The following NOD2 variants were observed in gnomAD, a reference collection of about 807,000 sequenced individuals.
NOD2 encodes the protein nucleotide-binding oligomerization domain-containing protein 2.
NOD2 carries 86 observed loss-of-function variants against 90.9 expected under a neutral mutation model. The ratio of observed to expected loss-of-function variants is 0.95; its 90% CI spans 0.79 to 1.13. The LOEUF is 1.13. Among genes scored for constraint, NOD2 ranks in the 50% most tolerant of loss-of-function variants. The pLI, the probability that NOD2 is intolerant of heterozygous loss-of-function variation, is 0.00. For synonymous variants in NOD2, 581 were observed against 554.6 expected (o/e 1.05, Z -0.67); for missense variants, 1,238 against 1,283.8 (o/e 0.96, Z 0.55).
At chr16:50,716,065 T>C (rs1408069985) in intron 4 of NOD2, among the ~76,000 whole-genome samples, 2 of 152,074 alleles carry the variant, frequency 1.3e-5, no homozygotes, top group Non-Finnish European at 2.9e-5. Context: ...AGTGGTGCCA[T>C]TGGGGTTAAG....
chr16:50,707,297 A>G (rs1964239461), intron 2 of NOD2, among the ~76,000 whole-genome samples: 1 of 152,178 alleles, frequency 6.6e-6, no homozygotes, highest in Non-Finnish European at 1.5e-5. Context: ...CCTGGAAGAA[A>G]GGGGTTAATA....
intron 6 of NOD2, among the ~76,000 whole-genome samples, chr16:50,718,977 G>C (rs1284468445): frequency 6.6e-6 from 1 of 152,186 alleles, no homozygotes; most frequent in East Asian, 1.9e-4. Context: ...AGAGAGGGAA[G>C]GAAGGAAGGT....
intron 1 of NOD2, chr16:50,697,308 A>C (rs1259603692): frequency 1.3e-6 from 2 of 1,557,296 alleles, no homozygotes; most frequent in Non-Finnish European, 1.7e-6. Flanking sequence ...CTCCTCGGAC[A>C]TTCTCCGGGT....
At chr16:50,706,698 C>CTT (rs529592403) in intron 2 of NOD2, among the ~76,000 whole-genome samples, 2,145 of 140,564 alleles carry the variant, frequency 0.015, 69 homozygotes, top group African/African-American at 0.053. Flanking sequence ...CTATTTCTTT[C>CTT]TTTTTTTTTT....
At chr16:50,709,795 A>G (rs1017795916) in intron 3 of NOD2, 2 of 370,926 alleles carry the variant, frequency 5.4e-6, no homozygotes, top group African/African-American at 4.2e-5. Flanking sequence ...TTGAGGGTCT[A>G]TTGTTGTGCC....
At chr16:50,731,324 C>G (rs555247494) in intron 11 of NOD2, among the ~76,000 whole-genome samples, 23 of 152,138 alleles carry the variant, frequency 1.5e-4, no homozygotes, top group Non-Finnish European at 2.8e-4. Flanking sequence ...TTGCACAGTC[C>G]TAAGAAACAT....
Position 50,711,028 on chromosome 16 carries a change from C to T in NOD2, c.1036C>T (p.Arg346Cys), listed in dbSNP as rs145293873. 287 of 1,614,088 alleles carry T rather than the reference C, an allele frequency of 1.8e-4. 1 individual carries two copies. Among genetic ancestry groups the T allele is most frequent in the Middle Eastern group, 9.9e-4 (6 of 6,084 alleles). The part of the protein sequence containing the change: ...IFQLLLDHPD[R>C]VLLTFDGFDE... ...CCAGTTACTCCTTGACCACCCTGACCGTGTCCTGTTAACCTTTGATGGCTT... is the reference window on the plus strand; with the variant it reads ...CCAGTTACTCCTTGACCACCCTGACTGTGTCCTGTTAACCTTTGATGGCTT... The change falls in exon 4 of 12, where the codon CGT becomes TGT. Residue 346 changes from arginine (R) to cysteine (C), a missense_variant. Arg to Cys is a radical substitution (Grantham distance 180). Coordinates refer to ENST00000647318, the MANE Select transcript of NOD2 (RefSeq NM_001370466.1).
Position 50,710,669 on chromosome 16 carries a change from C to CA in NOD2, c.678dup (p.Glu227ArgfsTer37). 1.2e-6 allele frequency: 2 copies of CA among 1,614,186 alleles called. No individual in the cohort carries two copies. The highest frequency in any genetic ancestry group is 1.7e-6 in the Non-Finnish European group (2 of 1,180,020). ...ACGCTCTGCCTGGAGGACATATACA[C>CA]AGAGAATGTCCTGGAGGTCTGGGCA... is the stretch of plus-strand genomic sequence containing the variant. On this transcript the variant is annotated frameshift_variant, in exon 4 of 12. Transcript: ENST00000647318. LOFTEE classifies it high-confidence loss of function.
intron 10 of NOD2, among the ~76,000 whole-genome samples, chr16:50,729,586 G>A (rs1965382512): frequency 6.6e-6 from 1 of 152,194 alleles, no homozygotes; most frequent in African/African-American, 2.4e-5. Flanking sequence ...TAAGGGAGTG[G>A]CTACTTAATT....
At position 50,701,537 on chromosome 16, in the gene NOD2, C is replaced by T. The variant is rs566299259; in HGVS notation, c.459+1583C>T. 2.6e-5 allele frequency among the ~76,000 whole-genome samples: 4 copies of T among 152,338 alleles called. No homozygotes were observed. In the South Asian group the frequency reaches 8.3e-4, roughly 32 times the overall value. On this transcript the variant is annotated intron_variant, in intron 2 of 11. Coordinates refer to ENST00000647318, the MANE Select transcript of NOD2 (RefSeq NM_001370466.1). ...TCTGATTAGTTGCACGTACAGAAGA[C>T]ATATTCGTTATTGGACTGACCTTAG...
Position 50,710,657 on chromosome 16 carries a change from A to G in NOD2, c.665A>G (p.Glu222Gly), listed in dbSNP as rs117836686. The G allele has an allele frequency of 4.8e-4, 780 of 1,614,194 alleles. 1 individual carries two copies. Among genetic ancestry groups the G allele is most frequent in the Non-Finnish European group, 6.5e-4 (764 of 1,180,026 alleles). The change falls in exon 4 of 12, where the codon GAG (glutamate) becomes GGG (glycine). Residue 222 changes from glutamate (E) to glycine (G), a missense_variant. Around this residue, in one of 3 missense-constraint regions of NOD2, gnomAD observed 567 missense variants for 577.3 expected, o/e 0.98. Transcript: ENST00000647318. ...TYDGAETLCL[E>G]DIYTENVLEV... ...GATGGAGCAGAGACGCTCTGCCTGG[A>G]GGACATATACACAGAGAATGTCCTG... is the stretch of plus-strand genomic sequence containing the variant.
intron 8 of NOD2, 117 bp downstream of exon 8, chr16:50,722,822 G>A (rs1000113225): frequency 6.5e-5 from 62 of 955,396 alleles, no homozygotes; most frequent in Middle Eastern, 6.4e-4. Context: ...TTAGGCAATG[G>A]AGTAAGGAAA....
chr16:50,707,841 T>C lies in NOD2; in HGVS notation c.460-14T>C. 6.3e-7 allele frequency: 1 copy of C among 1,593,216 alleles called. No individual in the cohort carries two copies. Among genetic ancestry groups the C allele is most frequent in the Non-Finnish European group, 8.6e-7 (1 of 1,160,838 alleles). ...GCCTTCCTGGAAGAATAATGTCTTC[T>C]GCCTTTCCTGTAGGCAAGAAGGCTG... On this transcript the variant is annotated splice_polypyrimidine_tract_variant and intron_variant, in intron 2 of 11. Transcript: ENST00000647318.
At chr16:50,708,251 A>C (rs567285730) in intron 3 of NOD2, among the ~76,000 whole-genome samples, 1 of 152,306 alleles carries the variant, frequency 6.6e-6, no homozygotes, top group East Asian at 1.9e-4. Context: ...TTACCATCCA[A>C]ACTCTCATTA....
At chr16:50,730,499 G>T (rs1013112945) in intron 11 of NOD2, among the ~76,000 whole-genome samples, 1 of 152,126 alleles carries the variant, frequency 6.6e-6, no homozygotes, top group South Asian at 2.1e-4. Context: ...TTGTTTCCAG[G>T]GATCTATTTC....
At chr16:50,731,547 G>A (rs1265215196) in intron 11 of NOD2, among the ~76,000 whole-genome samples, 200 bp from the exon 12 acceptor site, 1 of 152,160 alleles carries the variant, frequency 6.6e-6, no homozygotes, top group Non-Finnish European at 1.5e-5. Context: ...CAGAGTCATG[G>A]AGCCTTGTTC....
At chr16:50,704,327 A>G (rs748813003) in intron 2 of NOD2, among the ~76,000 whole-genome samples, 1 of 152,170 alleles carries the variant, frequency 6.6e-6, no homozygotes, top group Non-Finnish European at 1.5e-5. Context: ...ACATTTTGCT[A>G]GACCGTATCC....
At chr16:50,703,735 G>T (rs1323743085) in intron 2 of NOD2, among the ~76,000 whole-genome samples, 1 of 151,668 alleles carries the variant, frequency 6.6e-6, no homozygotes, top group Non-Finnish European at 1.5e-5. Context: ...CTTAGATGAA[G>T]GTTCCCAAGG....
At chr16:50,712,600 G>A (rs907512348) in intron 4 of NOD2, 5 of 605,478 alleles carry the variant, frequency 8.3e-6, no homozygotes, top group Admixed American at 5.9e-5. Flanking sequence ...TATGCTTTCC[G>A]GAATGACCTC....
Sources: allele counts gnomAD v4.1 joint callset (sites outside exome capture counted in the v4.1 genomes callset), GRCh38; gene constraint gnomAD v4.1.1; regional missense constraint gnomAD v4.1.1; transcripts MANE v1.5; gene names NCBI Gene and HGNC (gene_info 2026-07-23, HGNC 2026-07-21).